Variants in RTL9 observed in about 807,000 individuals in gnomAD.
The protein encoded by RTL9 is retrotransposon Gag like 9.
Under a neutral mutation model 44.7 loss-of-function variants are expected in RTL9, and 19 were observed. The observed-to-expected ratio is 0.42, with a 90% CI of 0.30 to 0.62. The LOEUF is 0.62. Ranked by LOEUF, RTL9 falls within the 20% of genes least tolerant of loss-of-function variation. The pLI, the probability that RTL9 is intolerant of heterozygous loss-of-function variation, is 0.16. For synonymous variants in RTL9, 407 were observed against 398.9 expected (o/e 1.02, Z -0.24); for missense variants, 1,105 against 1,080.6 (o/e 1.02, Z -0.32).
intron 1 of RTL9, among the ~76,000 whole-genome samples, chrX:110,441,527 A>G (rs1352175055): frequency 8.9e-6 from 1 of 112,495 alleles, no homozygotes; most frequent in Non-Finnish European, 1.9e-5. Context: ...CAGGTCCACA[A>G]TCCCTTATCT....
chrX:110,427,194 C>G (rs973046119), intron 1 of RTL9, among the ~76,000 whole-genome samples: 5 of 111,875 alleles, frequency 4.5e-5, no homozygotes, highest in Admixed American at 2.8e-4. Context: ...GTTTTCTCAC[C>G]TTCTCTCCTT....
intron 1 of RTL9, among the ~76,000 whole-genome samples, chrX:110,387,953 C>T (rs1273869304): frequency 9.3e-6 from 1 of 107,033 alleles, no homozygotes; most frequent in African/African-American, 3.4e-5. Flanking sequence ...GCTCCGCCTC[C>T]CGGGTTCACG....
At chrX:110,431,217 G>C (rs1431139219) in intron 1 of RTL9, among the ~76,000 whole-genome samples, 1 of 111,728 alleles carries the variant, frequency 9.0e-6, no homozygotes, top group Non-Finnish European at 1.9e-5. Flanking sequence ...AATATCTCCA[G>C]TTTTCACCAA....
At chrX:110,397,661 C>T (rs2068536906) in intron 1 of RTL9, among the ~76,000 whole-genome samples, 1 of 111,142 alleles carries the variant, frequency 9.0e-6, no homozygotes, top group Non-Finnish European at 1.9e-5. Context: ...CCTGGTTTCT[C>T]TCTCCCTTTT....
At chrX:110,453,616 C>A (rs2068961074) in exon 1 of RTL9, 1 of 1,212,110 alleles carries the variant, frequency 8.3e-7, no homozygotes, top group Non-Finnish European at 1.1e-6. Flanking sequence ...AACTCTAGAT[C>A]TATGTCCTTG....
chrX:110,412,729 C>T (rs2068649341), intron 1 of RTL9, among the ~76,000 whole-genome samples: 1 of 112,191 alleles, frequency 8.9e-6, no homozygotes, highest in South Asian at 3.7e-4. Flanking sequence ...TCTTTAAATA[C>T]TGATGTGCAA....
intron 1 of RTL9, among the ~76,000 whole-genome samples, chrX:110,374,949 G>A (rs1418811287): frequency 9.0e-6 from 1 of 111,099 alleles, no homozygotes; most frequent in Non-Finnish European, 1.9e-5. Context: ...CTTTTTAAAG[G>A]AAATTATATG....
chrX:110,440,573 G>A (rs2068872967), intron 1 of RTL9, among the ~76,000 whole-genome samples: 1 of 111,547 alleles, frequency 9.0e-6, no homozygotes, highest in Admixed American at 9.5e-5. Flanking sequence ...GTGAGGCAGG[G>A]GTTTGGAAAG....
intron 1 of RTL9, among the ~76,000 whole-genome samples, chrX:110,385,013 T>C (rs1223200819): frequency 1.8e-5 from 2 of 110,960 alleles, no homozygotes; most frequent in Admixed American, 9.7e-5. Flanking sequence ...ACTATCATAG[T>C]TCCAGCAGAA....
chrX:110,452,226 T>C, exon 1 of RTL9: 1 of 1,211,813 alleles, frequency 8.3e-7, no homozygotes, highest in Non-Finnish European at 1.1e-6. Flanking sequence ...TGGATCAATG[T>C]CCATGCTGCA....
At chrX:110,401,373 C>G (rs1003266727) in intron 1 of RTL9, among the ~76,000 whole-genome samples, 3 of 111,774 alleles carry the variant, frequency 2.7e-5, no homozygotes, top group Non-Finnish European at 5.6e-5. Context: ...CCTACTATGG[C>G]TCCTACAGGC....
At chrX:110,418,500 C>T (rs1362499848), upstream of RTL9, among the ~76,000 whole-genome samples, 1 of 111,865 alleles carries the variant, frequency 8.9e-6, no homozygotes, top group African/African-American at 3.3e-5. Context: ...TGATCAGGGC[C>T]AAATGAGTTT....
intron 1 of RTL9, among the ~76,000 whole-genome samples, chrX:110,370,258 G>C (rs1283934419): frequency 1.8e-5 from 2 of 110,566 alleles, no homozygotes; most frequent in Non-Finnish European, 3.8e-5. Flanking sequence ...ACCCAGGCTG[G>C]AGTGCAATGG....
intron 1 of RTL9, 26 bp from the exon 2 acceptor site, chrX:110,445,127 C>T (rs771286451): frequency 1.8e-5 from 2 of 112,741 alleles, no homozygotes; most frequent in South Asian, 7.4e-4. Flanking sequence ...ACCCAGAACA[C>T]ACCTACCCTC....
chrX:110,384,300 T>A (rs1183329151), intron 1 of RTL9, among the ~76,000 whole-genome samples: 1 of 110,521 alleles, frequency 9.0e-6, no homozygotes, highest in Admixed American at 9.7e-5. Context: ...AGCACTGAAA[T>A]CTGAGAGATT....
intron 1 of RTL9, among the ~76,000 whole-genome samples, chrX:110,433,451 G>A (rs995170773): frequency 1.8e-5 from 2 of 111,457 alleles, no homozygotes; most frequent in Admixed American, 9.5e-5. Context: ...GAGGATGGGA[G>A]GATGACTAGG....
At chrX:110,415,738 A>G (rs900944486), upstream of RTL9, among the ~76,000 whole-genome samples, 2 of 111,480 alleles carry the variant, frequency 1.8e-5, no homozygotes, top group African/African-American at 6.5e-5. Context: ...TGGGCCGCAA[A>G]CAAAGATGGC....
At chrX:110,425,869 GAATA>G (rs1036764902) in intron 1 of RTL9, among the ~76,000 whole-genome samples, 1 of 112,608 alleles carries the variant, frequency 8.9e-6, no homozygotes, top group African/African-American at 3.2e-5. Flanking sequence ...ACAGATGAAT[GAATA>G]GACAAATGTA....
At chrX:110,442,247 C>CTCTCTCTCTCTCTCTG (rs1556214261) in intron 1 of RTL9, among the ~76,000 whole-genome samples, 7 of 97,043 alleles carry the variant, frequency 7.2e-5, no homozygotes, top group African/African-American at 2.7e-4. Flanking sequence ...CTCTCTCTCT[C>CTCTCTCTCTCTCTCTG]TGTGTGTGTG....
Sources: allele counts gnomAD v4.1 joint callset (sites outside exome capture counted in the v4.1 genomes callset), GRCh38; gene constraint gnomAD v4.1.1; transcripts MANE v1.5; gene names NCBI Gene and HGNC (gene_info 2026-07-23, HGNC 2026-07-21).